The following DENND5A variants were observed in gnomAD, a reference collection of about 807,000 sequenced individuals.
The protein encoded by DENND5A is DENN domain containing 5A, also known as DENN domain-containing protein 5A.
In DENND5A, 64 loss-of-function variants were observed where a neutral mutation model predicts 140.3. The observed-to-expected ratio is 0.46, with a 90% CI of 0.37 to 0.56. The LOEUF is 0.56. DENND5A is among the 20% of genes least tolerant of loss of function. DENND5A has a pLI of 0.00. For missense variants in DENND5A, 1,292 were observed against 1,593.8 expected (o/e 0.81, Z 3.22); for synonymous variants, 605 against 607.7 (o/e 1.00, Z 0.07).
At chr11:9,140,500 C>T (rs978828876) in intron 22 of DENND5A, among the ~76,000 whole-genome samples, 2 of 152,156 alleles carry the variant, frequency 1.3e-5, no homozygotes, top group African/African-American at 4.8e-5. Flanking sequence ...GGAATAGCCC[C>T]TAATAATCAT....
chr11:9,161,008 T>C (rs568016756), intron 11 of DENND5A, 143 bp from the exon 12 acceptor site: 1 of 795,998 alleles, frequency 1.3e-6, no homozygotes, highest in African/African-American at 1.7e-5. Context: ...AGAATATATT[T>C]ATACCCATGT....
chr11:9,168,668 T>C (rs550163800), intron 10 of DENND5A, among the ~76,000 whole-genome samples: 42 of 152,284 alleles, frequency 2.8e-4, no homozygotes, highest in Non-Finnish European at 4.4e-4. Flanking sequence ...ATCCTATAAA[T>C]CAGCAGTTGA....
chr11:9,144,323 G>A (rs1304627159), intron 18 of DENND5A, 45 bp from the exon 19 acceptor site: 1 of 1,595,706 alleles, frequency 6.3e-7, no homozygotes, highest in South Asian at 1.1e-5. Flanking sequence ...GCTCCTCCCT[G>A]CTGCTCACAG....
At chr11:9,160,652 A>AGCTAGTAACT in intron 12 of DENND5A, 61 bp downstream of exon 12, 1 of 1,504,290 alleles carries the variant, frequency 6.6e-7, no homozygotes, top group Non-Finnish European at 9.1e-7. Flanking sequence ...AGTGTGGGAA[A>AGCTAGTAACT]GCTAGTAACT....
chr11:9,204,016 C>A lies in DENND5A; in HGVS notation c.593G>T (p.Arg198Leu), dbSNP rs369437857. Residue 198 changes from arginine (R) to leucine (L), a missense_variant, in exon 4 of 23, where the codon CGG (arginine) becomes CTG (leucine). By Grantham distance (102) the Arg-to-Leu change is moderately radical (BLOSUM62 -2). This residue lies in a region of DENND5A where 566 missense variants were observed against 650.4 expected (regional missense o/e 0.87). Coordinates refer to ENST00000328194, the MANE Select transcript of DENND5A (RefSeq NM_015213.4). ...LQRFNSYDIS[R>L]DTLYVSKCIC... ...GCACTTAGAGACGTAGAGAGTGTCC[C>A]GGCTAATGTCATAGGAGTTGAAGCG... 3.3e-5 allele frequency: 53 copies of A among 1,613,914 alleles called. No homozygotes were observed. Among genetic ancestry groups the A allele is most frequent in the Non-Finnish European group, 3.6e-5 (43 of 1,180,018 alleles).
chr11:9,254,681 T>A lies in DENND5A; in HGVS notation c.109+10280A>T, dbSNP rs181057087. Reference sequence around the variant, plus strand: ...AGATGAAAATTAAGTGTAGTCCACATCGACTCCCAGTTTGAAACTGGCTCA... The same window carrying A: ...AGATGAAAATTAAGTGTAGTCCACAACGACTCCCAGTTTGAAACTGGCTCA... On this transcript the variant is annotated intron_variant, in intron 1 of 22. Transcript: ENST00000328194. Among the ~76,000 whole-genome samples the A allele has an allele frequency of 2.4e-4, 36 of 152,258 alleles. No individual in the cohort carries two copies. In the East Asian group the frequency reaches 5.8e-3, roughly 25 times the overall value.
At chr11:9,187,274 C>T (rs1290332533) in intron 5 of DENND5A, among the ~76,000 whole-genome samples, 1 of 152,160 alleles carries the variant, frequency 6.6e-6, no homozygotes, top group East Asian at 1.9e-4. Flanking sequence ...ATCCTCCTTC[C>T]TCAGCTGACG....
intron 4 of DENND5A, among the ~76,000 whole-genome samples, chr11:9,202,551 G>A (rs1372990647): frequency 6.6e-6 from 1 of 152,074 alleles, no homozygotes; most frequent in Non-Finnish European, 1.5e-5. Context: ...TCCGTAGCTA[G>A]AAATTATTTT....
intron 18 of DENND5A, 104 bp from the exon 19 acceptor site, chr11:9,144,382 G>A: frequency 9.2e-7 from 1 of 1,087,600 alleles, no homozygotes; most frequent in Admixed American, 2.3e-5. Flanking sequence ...CTGAAACCAG[G>A]ATAGAGACTC....
At chr11:9,260,579 ATCC>A (rs1243162734) in intron 1 of DENND5A, among the ~76,000 whole-genome samples, 1 of 152,192 alleles carries the variant, frequency 6.6e-6, no homozygotes, top group East Asian at 1.9e-4. Flanking sequence ...CAGACACCAT[ATCC>A]TCAAGGTGGC....
chr11:9,144,332 AG>A lies in DENND5A; in HGVS notation c.3123-55del, dbSNP rs1387038022. ...CAGCCAGCTCCTCCCTGCTGCTCAC[AG>A]GAAGAGCCATCAACAAAGCCAATCC... is the stretch of plus-strand genomic sequence containing the variant. On this transcript the variant is annotated intron_variant, in intron 18 of 22. Transcript: ENST00000328194. 5 of 1,577,332 alleles carry A rather than the reference AG, an allele frequency of 3.2e-6. No individual in the cohort carries two copies. In the Admixed American group the frequency reaches 8.7e-5, roughly 27 times the overall value.
chr11:9,147,843 T>G (rs566483042), intron 15 of DENND5A, among the ~76,000 whole-genome samples: 65 of 152,180 alleles, frequency 4.3e-4, no homozygotes, highest in African/African-American at 1.4e-3. Flanking sequence ...TTCCCCCAAA[T>G]AGAGGAGACA....
chr11:9,139,981 AC>A, intron 22 of DENND5A, 127 bp from the exon 23 acceptor site: 8 of 1,049,094 alleles, frequency 7.6e-6, no homozygotes, highest in East Asian at 2.6e-5. Flanking sequence ...AGCCCCCCAC[AC>A]CCCCCTTTCC....
At chr11:9,227,372 C>T (rs1035216210) in intron 1 of DENND5A, among the ~76,000 whole-genome samples, 5 of 151,996 alleles carry the variant, frequency 3.3e-5, no homozygotes, top group African/African-American at 1.2e-4. Context: ...CTATACAACT[C>T]CATGTTAAGT....
In DENND5A at chr11:9,233,972, G is replaced by C. The variant is rs7111471; in HGVS notation, c.110-26340C>G. On this transcript the variant is annotated intron_variant, in intron 1 of 22. Transcript: ENST00000328194. The stretch of plus-strand genomic sequence containing the variant: ...GTGGGTGGATCACTTGAGGTCAGGA[G>C]TTCGAGACCAGCCTGGCCAACATGG... 9.5e-3 allele frequency among the ~76,000 whole-genome samples: 1,453 copies of C among 152,214 alleles called. 28 individuals carry two copies. The highest frequency in any genetic ancestry group is 0.033 in the African/African-American group (1,375 of 41,550).
Position 9,265,143 on chromosome 11 carries a change from G to A in DENND5A, c.-74C>T, listed in dbSNP as rs1041983550. On this transcript the variant is annotated 5_prime_UTR_variant, in exon 1 of 23. Coordinates refer to ENST00000328194, the MANE Select transcript of DENND5A (RefSeq NM_015213.4). The surrounding 1 kb of genome is among the most constrained non-coding windows in gnomAD (Gnocchi z 4.7). Reference sequence around the variant, plus strand: ...CCGCAACCCGGGCGCCCGCCCGTCCGCCCTCAGGCCGCCCCTCCCGCCGCC... The same window carrying A: ...CCGCAACCCGGGCGCCCGCCCGTCCACCCTCAGGCCGCCCCTCCCGCCGCC... 4 of 870,482 alleles carry A rather than the reference G, an allele frequency of 4.6e-6. No homozygotes were observed. The highest frequency in any genetic ancestry group is 5.7e-5 in the Admixed American group (1 of 17,458). 53.9% of individuals were successfully genotyped at this position (870,482 alleles called of 1,614,324 possible). A position where few individuals can be genotyped will look rare whatever the true frequency, so the allele number is the denominator to read the frequency against.
intron 18 of DENND5A, 37 bp from the exon 19 acceptor site, chr11:9,144,315 T>A: frequency 5.6e-6 from 9 of 1,602,542 alleles, no homozygotes; most frequent in Middle Eastern, 2.0e-4. Context: ...AGCAGCCAGC[T>A]CCTCCCTGCT....
At chr11:9,208,040 A>G (rs997421325) in intron 1 of DENND5A, among the ~76,000 whole-genome samples, 1 of 152,232 alleles carries the variant, frequency 6.6e-6, no homozygotes, top group African/African-American at 2.4e-5. Context: ...GACAAATTAA[A>G]TGCATATAAA....
Position 9,150,252 on chromosome 11 carries a change from G to A in DENND5A, c.2607-43C>T. The A allele has an allele frequency of 1.9e-6, 3 of 1,604,798 alleles. No homozygotes were observed. In the South Asian group the frequency reaches 3.4e-5, roughly 18 times the overall value. ...AAAGGAAGTGGAGGGTGGGATGGGAGATGAACTCACTGCCAATAACTTACC... is the reference window on the plus strand; with the variant it reads ...AAAGGAAGTGGAGGGTGGGATGGGAAATGAACTCACTGCCAATAACTTACC... On this transcript the variant is annotated intron_variant, in intron 14 of 22. Coordinates refer to ENST00000328194, the MANE Select transcript of DENND5A (RefSeq NM_015213.4).
Sources: gnomAD v4.1 joint callset for allele counts (sites outside exome capture counted in the v4.1 genomes callset) on GRCh38, gnomAD v4.1.1 for gene constraint, gnomAD v4.1.1 regional missense constraint, Gnocchi (gnomAD v3.1) non-coding constraint, MANE v1.5 for transcripts, NCBI Gene and HGNC (gene_info 2026-07-23, HGNC 2026-07-21) for gene names.